ASIC5: variants seen among roughly 807,000 people sequenced by gnomAD.
ASIC5 encodes acid sensing ion channel subunit family member 5, also known as bile acid-sensitive ion channel.
A neutral mutation model predicts 51.2 loss-of-function variants in ASIC5; 52 were observed. That is an observed-to-expected ratio of 1.02 (90% CI 0.81 to 1.28). The LOEUF is 1.28. ASIC5 is among the 50% of genes most tolerant of loss of function. The pLI, the probability that ASIC5 is intolerant of heterozygous loss-of-function variation, is 0.00. For missense variants in ASIC5, 635 were observed against 595.0 expected (o/e 1.07, Z -0.70); for synonymous variants, 231 against 200.7 (o/e 1.15, Z -1.28).
rs1203144142 is a variant in ASIC5, at chr4:155,838,751, CTT to C, written c.1066+60_1066+61del. Reference sequence around the variant, plus strand: ...GGCTATCCATAGTTTGACTTAATGTCTTATATTACTTTGAGCAACTTTAATAT... The same window carrying C: ...GGCTATCCATAGTTTGACTTAATGTCATATTACTTTGAGCAACTTTAATAT... On this transcript the variant is annotated intron_variant, in intron 7 of 9. Coordinates refer to ENST00000537611, the MANE Select transcript of ASIC5 (RefSeq NM_017419.3). 8.1e-6 allele frequency: 8 copies of C among 985,112 alleles called. No homozygotes were observed. In the African/African-American group the frequency reaches 9.8e-5, roughly 12 times the overall value. The allele number at this position is 985,112 out of a possible 1,614,324, so 61.0% of individuals were successfully genotyped here.
Position 155,831,860 on chromosome 4 carries a change from G to A in ASIC5, c.1291C>T (p.Gln431Ter), listed in dbSNP as rs1255568224. Reference protein sequence around the residue: ...NYSDLNYKITQQQKAVSVSEL... With the variant: ...NYSDLNYKIT ...GACACACTCACCGCCTTTTGCTGCT[G>A]GGTTATCTTATAGTTTAGGTCACTA... Residue 431 changes from glutamine to a stop codon, truncating the protein, a stop_gained, in exon 9 of 10, where the codon CAG (glutamine) becomes TAG (stop). Coordinates refer to ENST00000537611, the MANE Select transcript of ASIC5 (RefSeq NM_017419.3). LOFTEE classifies it high-confidence loss of function. The A allele has an allele frequency of 2.5e-6, 4 of 1,608,290 alleles. No homozygotes were observed. The highest frequency in any genetic ancestry group is 1.3e-5 in the African/African-American group (1 of 74,704).
At chr4:155,838,439 C>T (rs1741041731) in intron 7 of ASIC5, among the ~76,000 whole-genome samples, 1 of 152,026 alleles carries the variant, frequency 6.6e-6, no homozygotes, top group South Asian at 2.1e-4. Context: ...AGGACTATTC[C>T]CAATCAGTGA....
chr4:155,836,615 G>T, intron 8 of ASIC5, 74 bp downstream of exon 8: 1 of 886,600 alleles, frequency 1.1e-6, no homozygotes, highest in South Asian at 2.1e-5. Context: ...CATTTCCTGA[G>T]TCTTTGAGGG....
At chr4:155,852,473 T>TG (rs1741406088) in intron 3 of ASIC5, among the ~76,000 whole-genome samples, 157 bp from the exon 4 acceptor site, 1 of 131,486 alleles carries the variant, frequency 7.6e-6, no homozygotes, top group Non-Finnish European at 1.5e-5. Flanking sequence ...CAGTGATAGT[T>TG]TTTTTTTTTT....
intron 8 of ASIC5, among the ~76,000 whole-genome samples, chr4:155,834,904 C>G (rs964806481): frequency 6.6e-6 from 1 of 152,016 alleles, no homozygotes; most frequent in Non-Finnish European, 1.5e-5. Context: ...GGAGCTCGGC[C>G]GGGGGTGTTC....
At position 155,829,910 on chromosome 4, in the gene ASIC5, C is replaced by T. The variant is rs1443605278; in HGVS notation, c.1464G>A (p.Trp488Ter). The change falls in exon 10 of 10, where the codon TGG becomes TGA. Residue 488 changes from tryptophan to a stop codon, truncating the protein, a stop_gained. Transcript: ENST00000537611. LOFTEE classifies it low-confidence loss of function (END_TRUNC). ...CCAGATGATTCTGAGGTGGAGGAGTCCACTGGGTCATTTCAGATATCTTCA... is the reference window on the plus strand; with the variant it reads ...CCAGATGATTCTGAGGTGGAGGAGTTCACTGGGTCATTTCAGATATCTTCA... ...FLLKISEMTQ[W>*]TPPPQNHLGN... is the part of the protein sequence containing the mutation. The T allele has an allele frequency of 6.2e-7, 1 of 1,606,232 alleles. No homozygotes were observed. Among genetic ancestry groups the T allele is most frequent in the Admixed American group, 1.7e-5 (1 of 58,940 alleles).
intron 5 of ASIC5, 104 bp downstream of exon 5, chr4:155,843,577 G>A: frequency 1.6e-6 from 2 of 1,270,828 alleles, no homozygotes; most frequent in Non-Finnish European, 2.2e-6. Flanking sequence ...AATTTCTAAT[G>A]GTGTTTTACA....
At chr4:155,838,356 G>A (rs921763385) in intron 7 of ASIC5, among the ~76,000 whole-genome samples, 1 of 152,004 alleles carries the variant, frequency 6.6e-6, no homozygotes, top group Non-Finnish European at 1.5e-5. Flanking sequence ...CAATAAATAT[G>A]GCATGTACAG....
At chr4:155,855,398 A>G (rs1265591721) in intron 2 of ASIC5, 2 of 152,050 alleles carry the variant, frequency 1.3e-5, no homozygotes, top group Non-Finnish European at 2.9e-5. Flanking sequence ...TAACTTAACG[A>G]CTGTATCACT....
At position 155,854,221 on chromosome 4, in the gene ASIC5, A is replaced by C. The variant is rs755280313; in HGVS notation, c.441T>G (p.Asn147Lys). Residue 147 changes from asparagine to lysine, a missense_variant, in exon 3 of 10, where the codon AAT becomes AAG. Physicochemically the swap from Asn to Lys is moderately conservative, Grantham distance 94. Transcript: ENST00000537611. ...CAGTAGCCTCTCTAGAGCCAGTGGAATTGGCAGTAATTTCTTGAAGATGGA... is the reference window on the plus strand; with the variant it reads ...CAGTAGCCTCTCTAGAGCCAGTGGACTTGGCAGTAATTTCTTGAAGATGGA... Reference protein sequence around the residue: ...KVLHLQEITANSTGSREATDF... With the variant: ...KVLHLQEITAKSTGSREATDF... 9 of 1,613,336 alleles carry C rather than the reference A, an allele frequency of 5.6e-6. No individual in the cohort carries two copies. The South Asian group carries it at 9.9e-5, about 18-fold the overall frequency.
At chr4:155,851,900 A>G (rs1394247351) in intron 4 of ASIC5, among the ~76,000 whole-genome samples, 3 of 152,028 alleles carry the variant, frequency 2.0e-5, no homozygotes, top group Admixed American at 6.6e-5. Flanking sequence ...AGCTACATAC[A>G]TTGCAACTTA....
Position 155,854,372 on chromosome 4 carries a change from G to A in ASIC5, c.348-58C>T, listed in dbSNP as rs1402315601. On this transcript the variant is annotated intron_variant, in intron 2 of 9. Coordinates refer to ENST00000537611, the MANE Select transcript of ASIC5 (RefSeq NM_017419.3). ...AATGAAAACTTATAATTATCTGGAA[G>A]ACAGATACCAACATCTAGATTCTAT... 100 of 1,153,150 alleles carry A rather than the reference G, an allele frequency of 8.7e-5. 1 individual carries two copies. In the Admixed American group the frequency reaches 1.6e-3, roughly 19 times the overall value. 71.4% of individuals were successfully genotyped at this position (1,153,150 alleles called of 1,614,324 possible).
At chr4:155,832,193 A>G (rs185636031) in intron 8 of ASIC5, among the ~76,000 whole-genome samples, 2 of 152,348 alleles carry the variant, frequency 1.3e-5, no homozygotes, top group South Asian at 2.1e-4. Context: ...AATATTTACA[A>G]ACATCTAAAT....
chr4:155,833,299 T>C (rs1453683833), intron 8 of ASIC5, among the ~76,000 whole-genome samples: 1 of 152,172 alleles, frequency 6.6e-6, no homozygotes, highest in African/African-American at 2.4e-5. Flanking sequence ...ATGGCAATAA[T>C]AATAATAGTA....
At chr4:155,848,462 T>A (rs72956430) in intron 4 of ASIC5, among the ~76,000 whole-genome samples, 10,873 of 152,110 alleles carry the variant, frequency 0.071, 1,012 homozygotes, top group African/African-American at 0.22. Flanking sequence ...TATTGGTAAG[T>A]GTTCCAGAAT....
chr4:155,849,615 C>A (rs182153206), intron 4 of ASIC5, among the ~76,000 whole-genome samples: 1 of 152,028 alleles, frequency 6.6e-6, no homozygotes, highest in African/African-American at 2.4e-5. Context: ...AGATTCTAGT[C>A]TTGCCCAGTG....
intron 4 of ASIC5, among the ~76,000 whole-genome samples, chr4:155,850,262 A>T (rs978142700): frequency 3.3e-5 from 5 of 151,932 alleles, no homozygotes; most frequent in African/African-American, 1.2e-4. Flanking sequence ...TCAATCAGAA[A>T]CTCAAAAAAA....
chr4:155,855,916 A>C (rs1053366891), intron 2 of ASIC5, among the ~76,000 whole-genome samples: 12 of 152,104 alleles, frequency 7.9e-5, no homozygotes, highest in African/African-American at 2.6e-4. Flanking sequence ...TCCTCTTGCT[A>C]GGCATTTGCT....
In ASIC5 at chr4:155,834,289, A is replaced by T. The variant is rs546732673; in HGVS notation, c.1236-2374T>A. On this transcript the variant is annotated intron_variant, in intron 8 of 9. Transcript: ENST00000537611. ...ATTTCTGTCCCAGGAAGACAAAAAC[A>T]TACACCTCCATGGTTAAGTTAGGGG... is the stretch of plus-strand genomic sequence containing the variant. 2.0e-5 allele frequency among the ~76,000 whole-genome samples: 3 copies of T among 152,262 alleles called. No individual in the cohort carries two copies. The South Asian group carries it at 6.2e-4, about 32-fold the overall frequency.
Sources: allele counts gnomAD v4.1 joint callset (sites outside exome capture counted in the v4.1 genomes callset), GRCh38; gene constraint gnomAD v4.1.1; transcripts MANE v1.5; gene names NCBI Gene and HGNC (gene_info 2026-07-23, HGNC 2026-07-21).